CDH13: variants seen among roughly 807,000 people sequenced by gnomAD.
The protein encoded by CDH13 is cadherin-13.
CDH13 carries 24 observed loss-of-function variants against 63.8 expected under a neutral mutation model. The ratio of observed to expected loss-of-function variants is 0.38; its 90% CI spans 0.27 to 0.53. The LOEUF (loss-of-function observed/expected upper bound fraction) is 0.53. CDH13 is among the 20% of genes least tolerant of loss of function. The pLI, the probability that CDH13 is intolerant of heterozygous loss-of-function variation, is 0.85. For missense variants in CDH13, 1,049 were observed against 903.1 expected, an observed-to-expected ratio of 1.16 and a Z score of -2.07; for synonymous variants, 503 against 355.3, an observed-to-expected ratio of 1.42 and a Z score of -4.67.
chr16:82,880,613 A>C (rs1006660730), intron 2 of CDH13, among the ~76,000 whole-genome samples: 1 of 152,180 alleles, frequency 6.6e-6, no homozygotes, highest in Non-Finnish European at 1.5e-5. Context: ...TGCTACTCTA[A>C]TAGCCCAAGT....
chr16:82,900,398 C>A (rs2041421998), intron 2 of CDH13, among the ~76,000 whole-genome samples: 1 of 150,148 alleles, frequency 6.7e-6, no homozygotes, highest in African/African-American at 2.5e-5. Context: ...GATAAGGCCA[C>A]AAGCCAAGTG....
At chr16:83,700,563 T>C (rs1906065490) in intron 10 of CDH13, among the ~76,000 whole-genome samples, 2 of 152,212 alleles carry the variant, frequency 1.3e-5, no homozygotes, top group Admixed American at 1.3e-4. Context: ...AATGGGCAGG[T>C]GAACTGCTAA....
intron 2 of CDH13, among the ~76,000 whole-genome samples, chr16:82,988,360 G>A (rs1051912303): frequency 6.6e-5 from 10 of 152,174 alleles, no homozygotes; most frequent in African/African-American, 2.4e-4. Flanking sequence ...AAGATGGGCA[G>A]ATAAGTATGG....
chr16:83,017,406 C>T (rs1324559321), intron 2 of CDH13, among the ~76,000 whole-genome samples: 1 of 152,150 alleles, frequency 6.6e-6, no homozygotes, highest in African/African-American at 2.4e-5. Flanking sequence ...CGAACATTTA[C>T]TTTGGATACC....
chr16:83,134,603 TGA>T, intron 4 of CDH13, among the ~76,000 whole-genome samples: 1 of 143,118 alleles, frequency 7.0e-6, no homozygotes, highest in Non-Finnish European at 1.5e-5. Flanking sequence ...GTGAGTTACA[TGA>T]CTGTATTTCT....
At chr16:83,656,203 A>G (rs1473053033) in intron 8 of CDH13, among the ~76,000 whole-genome samples, 1 of 152,154 alleles carries the variant, frequency 6.6e-6, no homozygotes, top group Non-Finnish European at 1.5e-5. Flanking sequence ...GTTGTTGCTG[A>G]TGGACTGGAT....
At chr16:83,709,247 T>C (rs887501724) in intron 10 of CDH13, among the ~76,000 whole-genome samples, 3 of 152,176 alleles carry the variant, frequency 2.0e-5, no homozygotes, top group Non-Finnish European at 4.4e-5. Flanking sequence ...AACATCTTAA[T>C]TTTAGACTCT....
chr16:82,900,585 G>A (rs1440575090), intron 2 of CDH13, among the ~76,000 whole-genome samples: 2 of 152,204 alleles, frequency 1.3e-5, no homozygotes, highest in East Asian at 1.9e-4. Flanking sequence ...CCTTAAACAT[G>A]TTTGTAAGCT....
At chr16:83,747,992 G>A in intron 10 of CDH13, 116 bp from the exon 11 acceptor site, 2 of 1,068,900 alleles carry the variant, frequency 1.9e-6, no homozygotes, top group Non-Finnish European at 1.4e-6. Context: ...TGATGGTTTT[G>A]GATTTTTGTT....
At chr16:83,083,602 G>C (rs1393840222) in intron 3 of CDH13, among the ~76,000 whole-genome samples, 1 of 152,150 alleles carries the variant, frequency 6.6e-6, no homozygotes, top group Non-Finnish European at 1.5e-5. Flanking sequence ...ACTCTATGCT[G>C]CCTTCCAATA....
chr16:82,965,872 A>G (rs1457522224), intron 2 of CDH13, among the ~76,000 whole-genome samples: 2 of 152,090 alleles, frequency 1.3e-5, no homozygotes, highest in East Asian at 3.9e-4. Flanking sequence ...CATACATCAC[A>G]CCCATATGGA....
At chr16:82,769,120 A>G (rs578200241) in intron 1 of CDH13, among the ~76,000 whole-genome samples, 4 of 152,302 alleles carry the variant, frequency 2.6e-5, no homozygotes, top group African/African-American at 9.6e-5. Context: ...ACCATTTTAT[A>G]TCATTTAGAT....
At chr16:82,853,817 G>A (rs1413062810) in intron 1 of CDH13, among the ~76,000 whole-genome samples, 4 of 152,148 alleles carry the variant, frequency 2.6e-5, no homozygotes, top group Non-Finnish European at 4.4e-5. Flanking sequence ...GATTGCCGTG[G>A]CATTAAAGAT....
intron 1 of CDH13, among the ~76,000 whole-genome samples, chr16:82,634,136 C>A (rs1261716913): frequency 2.0e-5 from 3 of 152,220 alleles, no homozygotes; most frequent in African/African-American, 4.8e-5. Flanking sequence ...CGGAGGGCAG[C>A]AGCTGCTCAG....
chr16:82,679,747 A>T (rs1450684018), intron 1 of CDH13, among the ~76,000 whole-genome samples: 1 of 152,228 alleles, frequency 6.6e-6, no homozygotes, highest in East Asian at 1.9e-4. Flanking sequence ...ATCATTTACA[A>T]TGAGAATGTG....
intron 4 of CDH13, among the ~76,000 whole-genome samples, chr16:83,202,484 G>C (rs1222654572): frequency 6.6e-6 from 1 of 152,136 alleles, no homozygotes; most frequent in Non-Finnish European, 1.5e-5. Flanking sequence ...TTCACAGAGT[G>C]AGAAACCTCA....
chr16:83,081,222 G>T (rs2033229978), intron 3 of CDH13, among the ~76,000 whole-genome samples: 2 of 152,090 alleles, frequency 1.3e-5, no homozygotes, highest in South Asian at 4.1e-4. Flanking sequence ...ATTCAAATCA[G>T]TCTAGCCATT....
chr16:83,035,860 T>TAGC (rs1294668537), intron 3 of CDH13, among the ~76,000 whole-genome samples: 4 of 152,216 alleles, frequency 2.6e-5, no homozygotes, highest in African/African-American at 9.6e-5. Flanking sequence ...ACGATACATG[T>TAGC]AGCAGTAATG....
chr16:83,748,195 G>A lies in CDH13; in HGVS notation c.1626G>A (p.Glu542=), dbSNP rs370768626. The change falls in exon 11 of 14, where the codon GAG becomes GAA. Residue 542 remains glutamate, a synonymous_variant. Coordinates refer to ENST00000567109, the MANE Select transcript of CDH13 (RefSeq NM_001257.5). The part of the protein sequence containing the change: ...TVDTTAVLDR[E]SPFVDNSVYT... ...ACACCACAGCTGTGCTGGACCGTGA[G>A]TCCCCATTTGTCGACAACAGCGTGT... is the stretch of plus-strand genomic sequence containing the variant. 1.2e-6 allele frequency: 2 copies of A among 1,613,934 alleles called. No individual in the cohort carries two copies.
Sources: gnomAD v4.1 joint callset for allele counts (sites outside exome capture counted in the v4.1 genomes callset) on GRCh38, gnomAD v4.1.1 for gene constraint, MANE v1.5 for transcripts, NCBI Gene and HGNC (gene_info 2026-07-23, HGNC 2026-07-21) for gene names.